The following SEMA5A variants were observed in gnomAD, a reference collection of about 807,000 sequenced individuals.
The protein encoded by SEMA5A is semaphorin-5A.
In SEMA5A, 55 loss-of-function variants were observed where a neutral mutation model predicts 135.5. The observed-to-expected ratio is 0.41, with a 90% CI of 0.33 to 0.51. The LOEUF (loss-of-function observed/expected upper bound fraction) is 0.51, where lower values mean the gene tolerates loss of function less well. Ranked by LOEUF, SEMA5A falls within the 20% of genes least tolerant of loss-of-function variation. The pLI is 0.37. For missense variants in SEMA5A, 1,290 were observed against 1,419.9 expected (o/e 0.91, Z 1.47); for synonymous variants, 580 against 546.5 (o/e 1.06, Z -0.85).
At chr5:9,055,077 C>T (rs549371716) in intron 18 of SEMA5A, among the ~76,000 whole-genome samples, 173 of 152,250 alleles carry the variant, frequency 1.1e-3, no homozygotes, top group African/African-American at 3.8e-3. Flanking sequence ...CCTGTAGACC[C>T]GCCTGCTGAA....
At chr5:9,154,457 C>G in intron 12 of SEMA5A, 31 bp downstream of exon 12, 1 of 1,606,796 alleles carries the variant, frequency 6.2e-7, no homozygotes, top group Admixed American at 1.7e-5. Flanking sequence ...CACACACACA[C>G]CAGTGCATCC....
Position 9,379,867 on chromosome 5 carries a change from G to C in SEMA5A, c.80C>G (p.Thr27Arg), listed in dbSNP as rs148774882. The change falls in exon 3 of 23, where the codon ACG (threonine) becomes AGG (arginine). Residue 27 changes from threonine (T) to arginine (R), a missense_variant. By Grantham distance (71) the Thr-to-Arg change is moderately conservative (BLOSUM62 -1). Transcript: ENST00000382496. ...ATGCTCGGTTCTCTGGCACTGAGTCGTACCCTGGGCCTCTGGGTGGGCGAG... is the reference window on the plus strand; with the variant it reads ...ATGCTCGGTTCTCTGGCACTGAGTCCTACCCTGGGCCTCTGGGTGGGCGAG... ...WRLAHPEAQG[T>R]TQCQRTEHPV... The C allele has an allele frequency of 1.3e-4, 212 of 1,613,960 alleles. No homozygotes were observed. The East Asian group carries it at 2.7e-3, about 20-fold the overall frequency.
chr5:9,097,625 TTGAA>T (rs894599526), intron 16 of SEMA5A, among the ~76,000 whole-genome samples: 1 of 152,180 alleles, frequency 6.6e-6, no homozygotes, highest in African/African-American at 2.4e-5. Context: ...TTTCTGTACA[TTGAA>T]TGAGCAGAGC....
rs529756614 is a variant in SEMA5A at position 9,499,167 on chromosome 5, C to T, written c.-175+46417G>A. ...GAGAGTCCTGAAATGGTTAACTGGC[C>T]CCTAGAGACACTCTTCACAATAATC... On this transcript the variant is annotated intron_variant, in intron 1 of 22. Coordinates refer to ENST00000382496, the MANE Select transcript of SEMA5A (RefSeq NM_003966.3). Among the ~76,000 whole-genome samples the T allele has an allele frequency of 3.3e-5, 5 of 152,216 alleles. No homozygotes were observed. In the East Asian group the frequency reaches 9.7e-4, roughly 29 times the overall value.
intron 2 of SEMA5A, among the ~76,000 whole-genome samples, chr5:9,427,081 G>A (rs984027892): frequency 1.3e-5 from 2 of 152,212 alleles, no homozygotes; most frequent in African/African-American, 2.4e-5. Context: ...GGGAGGCTGA[G>A]GCGGGTGTAT....
intron 11 of SEMA5A, among the ~76,000 whole-genome samples, chr5:9,167,656 G>A (rs976206600): frequency 3.9e-5 from 6 of 152,160 alleles, no homozygotes; most frequent in African/African-American, 1.4e-4. Flanking sequence ...GGGTGGAGTG[G>A]GAACCTTTTC....
chr5:9,398,199 C>T (rs1326206411), intron 2 of SEMA5A, among the ~76,000 whole-genome samples: 2 of 152,098 alleles, frequency 1.3e-5, no homozygotes, highest in Non-Finnish European at 2.9e-5. Context: ...CAGAAAAACA[C>T]ACGTCAAGGA....
intron 1 of SEMA5A, among the ~76,000 whole-genome samples, chr5:9,455,404 C>T (rs1398929810): frequency 7.9e-5 from 12 of 152,070 alleles, no homozygotes; most frequent in African/African-American, 2.7e-4. Context: ...TGCAGTCACT[C>T]GCCACCATGC....
intron 16 of SEMA5A, among the ~76,000 whole-genome samples, chr5:9,088,552 G>A (rs1738838887): frequency 6.7e-6 from 1 of 148,958 alleles, no homozygotes; most frequent in East Asian, 1.9e-4. Context: ...ATTACAAAAT[G>A]TCGGGAATGA....
At chr5:9,076,998 G>A (rs1294989827) in intron 16 of SEMA5A, among the ~76,000 whole-genome samples, 1 of 151,980 alleles carries the variant, frequency 6.6e-6, no homozygotes, top group African/African-American at 2.4e-5. Flanking sequence ...TGCTGGCACA[G>A]GCCTTTGAAC....
chr5:9,188,381 G>A (rs1345184847), intron 11 of SEMA5A, among the ~76,000 whole-genome samples: 2 of 152,180 alleles, frequency 1.3e-5, no homozygotes, highest in Non-Finnish European at 2.9e-5. Context: ...TAAAAATAGA[G>A]GAGTTTCATC....
At position 9,190,297 on chromosome 5, in the gene SEMA5A, C is replaced by A. The variant is rs1399621906; in HGVS notation, c.1243G>T (p.Ala415Ser). The change falls in exon 11 of 23, where the codon GCG becomes TCG. Residue 415 changes from alanine (A) to serine (S), a missense_variant. Ala to Ser is a moderately conservative substitution (Grantham distance 99). Coordinates refer to ENST00000382496, the MANE Select transcript of SEMA5A (RefSeq NM_003966.3). ...VAVDVVQGRE[A>S]LVHIIYLATD... ...GCCAAATAGATGATGTGGACGAGCG[C>A]TTCTCTGCCCTGCACCACGTCGACT... 6.2e-7 allele frequency: 1 copy of A among 1,614,010 alleles called. No homozygotes were observed. Among genetic ancestry groups the A allele is most frequent in the Non-Finnish European group, 8.5e-7 (1 of 1,180,038 alleles).
intron 16 of SEMA5A, among the ~76,000 whole-genome samples, chr5:9,103,802 C>A (rs950924938): frequency 2.0e-5 from 3 of 152,146 alleles, no homozygotes; most frequent in Non-Finnish European, 4.4e-5. Flanking sequence ...CATTTTATAT[C>A]TTTCTTCCTT....
intron 15 of SEMA5A, among the ~76,000 whole-genome samples, chr5:9,113,229 C>T (rs774083457): frequency 4.6e-5 from 7 of 152,092 alleles, no homozygotes; most frequent in Non-Finnish European, 7.4e-5. Flanking sequence ...ATTAACAGAC[C>T]GTGGTACATG....
At chr5:9,089,993 A>C (rs1738943261) in intron 16 of SEMA5A, among the ~76,000 whole-genome samples, 1 of 152,190 alleles carries the variant, frequency 6.6e-6, no homozygotes, top group African/African-American at 2.4e-5. Flanking sequence ...TGTGAATATG[A>C]CTATATAAAT....
rs1310796289 is a variant in SEMA5A, at chr5:9,040,365, C to G, written c.*2532G>C. On this transcript the variant is annotated 3_prime_UTR_variant, in exon 23 of 23. Coordinates refer to ENST00000382496, the MANE Select transcript of SEMA5A (RefSeq NM_003966.3). Reference sequence around the variant, plus strand: ...CGGCTTTATGAAGGAGTTTCCAAGACAGGTGAGAGATCACACTGTGAAAGT... The same window carrying G: ...CGGCTTTATGAAGGAGTTTCCAAGAGAGGTGAGAGATCACACTGTGAAAGT... 2 of 152,142 alleles carry G rather than the reference C, an allele frequency of 1.3e-5. No homozygotes were observed. Among genetic ancestry groups the G allele is most frequent in the African/African-American group, 4.8e-5 (2 of 41,398 alleles). 9.4% of individuals were successfully genotyped at this position (152,142 alleles called of 1,614,324 possible).
At chr5:9,280,738 G>A in intron 5 of SEMA5A, 1 of 321,646 alleles carries the variant, frequency 3.1e-6, no homozygotes, top group South Asian at 2.5e-5. Flanking sequence ...GGACTCTCAA[G>A]TTAACCAGGC....
chr5:9,384,593 T>TAGAC (rs1330807108), intron 2 of SEMA5A, among the ~76,000 whole-genome samples: 1 of 126,196 alleles, frequency 7.9e-6, no homozygotes, highest in African/African-American at 3.0e-5. Flanking sequence ...GATAGATAGA[T>TAGAC]AGATAGATAG....
intron 9 of SEMA5A, among the ~76,000 whole-genome samples, chr5:9,197,734 G>GTGTGTGTGTT (rs1561011083): frequency 0.028 from 1,688 of 59,732 alleles, 63 homozygotes; most frequent in African/African-American, 0.084. Context: ...CTGTTTGTGT[G>GTGTGTGTGTT]TGTGTGTGTG....
Sources: gnomAD v4.1 joint callset for allele counts (sites outside exome capture counted in the v4.1 genomes callset) on GRCh38, gnomAD v4.1.1 for gene constraint, MANE v1.5 for transcripts, NCBI Gene and HGNC (gene_info 2026-07-23, HGNC 2026-07-21) for gene names.